Variants in LRRTM4 observed in about 807,000 individuals in gnomAD.
The protein encoded by LRRTM4 is leucine rich repeat transmembrane neuronal 4.
A neutral mutation model predicts 47.6 loss-of-function variants in LRRTM4; 25 were observed. That is an observed-to-expected ratio of 0.53 (90% CI 0.38 to 0.73). The LOEUF is 0.73. Among genes scored for constraint, LRRTM4 ranks in the 30% least tolerant of loss-of-function variants. The pLI, the probability that LRRTM4 is intolerant of heterozygous loss-of-function variation, is 0.00. For synonymous variants in LRRTM4, 311 were observed against 269.5 expected (o/e 1.15, Z -1.51); for missense variants, 638 against 713.4 (o/e 0.89, Z 1.20).
At chr2:76,935,286 G>T (rs1674906439) in intron 3 of LRRTM4, among the ~76,000 whole-genome samples, 3 of 152,134 alleles carry the variant, frequency 2.0e-5, no homozygotes, top group Admixed American at 2.0e-4. Context: ...CAGGTAGTGT[G>T]ATGCCTCCAG....
chr2:76,947,389 T>C (rs955357522), intron 3 of LRRTM4, among the ~76,000 whole-genome samples: 18 of 151,940 alleles, frequency 1.2e-4, no homozygotes, highest in African/African-American at 4.3e-4. Flanking sequence ...AAAGTGGACA[T>C]GCAAGAATTT....
At chr2:76,932,785 G>C (rs1384828108) in intron 3 of LRRTM4, among the ~76,000 whole-genome samples, 3 of 150,520 alleles carry the variant, frequency 2.0e-5, no homozygotes, top group African/African-American at 7.4e-5. Context: ...ACAAAAGAGA[G>C]GAAAATACTT....
At chr2:76,785,278 A>T (rs189152239) in intron 3 of LRRTM4, among the ~76,000 whole-genome samples, 1 of 152,272 alleles carries the variant, frequency 6.6e-6, no homozygotes, top group East Asian at 1.9e-4. Flanking sequence ...ATGTGGGACT[A>T]CAGTTCTGCT....
At chr2:77,312,927 G>A (rs568187614) in intron 3 of LRRTM4, among the ~76,000 whole-genome samples, 7 of 152,302 alleles carry the variant, frequency 4.6e-5, no homozygotes, top group South Asian at 4.1e-4. Flanking sequence ...TCTGGGAACA[G>A]AGGGAAAACA....
chr2:76,890,186 A>G (rs1673208076), intron 3 of LRRTM4, among the ~76,000 whole-genome samples: 1 of 152,106 alleles, frequency 6.6e-6, no homozygotes, highest in African/African-American at 2.4e-5. Flanking sequence ...TGAGAATGCA[A>G]AGATTCATGA....
chr2:77,507,679 C>T (rs1211307377), intron 3 of LRRTM4, among the ~76,000 whole-genome samples: 2 of 151,638 alleles, frequency 1.3e-5, no homozygotes, highest in African/African-American at 4.8e-5. Context: ...GAATACCACA[C>T]GCCACGCCCC....
At chr2:77,460,919 C>G (rs1190754320) in intron 3 of LRRTM4, among the ~76,000 whole-genome samples, 1 of 151,822 alleles carries the variant, frequency 6.6e-6, no homozygotes, top group Non-Finnish European at 1.5e-5. Flanking sequence ...TTGCCCCAAG[C>G]CTGACATTTT....
chr2:77,451,579 G>C (rs1354798341), intron 3 of LRRTM4, among the ~76,000 whole-genome samples: 3 of 152,162 alleles, frequency 2.0e-5, no homozygotes, highest in African/African-American at 7.2e-5. Context: ...TAGAGAATGA[G>C]GTCTACACTA....
chr2:77,439,683 A>C (rs1675755541), intron 3 of LRRTM4, among the ~76,000 whole-genome samples: 1 of 152,232 alleles, frequency 6.6e-6, no homozygotes, highest in African/African-American at 2.4e-5. Context: ...AACAGTGTTA[A>C]TATGTTAAGA....
chr2:77,162,710 G>A (rs1038267024), intron 3 of LRRTM4, among the ~76,000 whole-genome samples: 1 of 152,080 alleles, frequency 6.6e-6, no homozygotes. Flanking sequence ...AGGCAAACAG[G>A]GTCTGGAGTG....
chr2:77,339,393 G>T (rs1671286477), intron 3 of LRRTM4, among the ~76,000 whole-genome samples: 1 of 151,680 alleles, frequency 6.6e-6, no homozygotes. Context: ...TTAATTTTAG[G>T]ACGACTTTTT....
intron 3 of LRRTM4, among the ~76,000 whole-genome samples, chr2:77,329,520 G>A (rs879844794): frequency 1.3e-5 from 2 of 152,170 alleles, no homozygotes; most frequent in Non-Finnish European, 2.9e-5. Flanking sequence ...GGTAAATCTA[G>A]AGTATGCTGA....
At chr2:77,086,703 C>G (rs976378889) in intron 3 of LRRTM4, among the ~76,000 whole-genome samples, 3 of 151,946 alleles carry the variant, frequency 2.0e-5, no homozygotes, top group African/African-American at 7.3e-5. Context: ...CCACACTGGC[C>G]AGGCTGGTGG....
chr2:77,464,496 T>G (rs1676908948), intron 3 of LRRTM4, among the ~76,000 whole-genome samples: 1 of 152,108 alleles, frequency 6.6e-6, no homozygotes, highest in Non-Finnish European at 1.5e-5. Context: ...ATAAAATTAT[T>G]AATGAGCTAT....
intron 3 of LRRTM4, among the ~76,000 whole-genome samples, chr2:76,869,095 G>A (rs902598302): frequency 6.6e-6 from 1 of 152,052 alleles, no homozygotes; most frequent in Non-Finnish European, 1.5e-5. Flanking sequence ...CAGATCACGA[G>A]GTCAAGAAAT....
intron 3 of LRRTM4, among the ~76,000 whole-genome samples, chr2:77,077,385 A>T (rs926476110): frequency 6.6e-6 from 1 of 152,176 alleles, no homozygotes; most frequent in Non-Finnish European, 1.5e-5. Context: ...GTTTTATTAT[A>T]TCCTAATAGA....
At chr2:76,863,204 T>C (rs1417794062) in intron 3 of LRRTM4, among the ~76,000 whole-genome samples, 1 of 152,170 alleles carries the variant, frequency 6.6e-6, no homozygotes, top group Non-Finnish European at 1.5e-5. Flanking sequence ...AAGAGCCAGG[T>C]ACATGCATAA....
At chr2:77,036,691 G>T (rs529274331) in intron 3 of LRRTM4, among the ~76,000 whole-genome samples, 1 of 151,790 alleles carries the variant, frequency 6.6e-6, no homozygotes, top group African/African-American at 2.4e-5. Context: ...CTTTCAAAGA[G>T]TACCTATTTT....
chr2:77,024,258 C>T (rs1573465500), intron 3 of LRRTM4, among the ~76,000 whole-genome samples: 2 of 152,134 alleles, frequency 1.3e-5, no homozygotes, highest in African/African-American at 2.4e-5. Flanking sequence ...AACCATATCA[C>T]CATGGTAACC....
Sources: allele counts gnomAD v4.1 joint callset (sites outside exome capture counted in the v4.1 genomes callset), GRCh38; gene constraint gnomAD v4.1.1; transcripts MANE v1.5; gene names NCBI Gene and HGNC (gene_info 2026-07-23, HGNC 2026-07-21).